Variants in ARHGAP15 observed in about 807,000 individuals in gnomAD.
ARHGAP15 encodes rho GTPase-activating protein 15.
A neutral mutation model predicts 63.7 loss-of-function variants in ARHGAP15; 51 were observed. The ratio of observed to expected loss-of-function variants is 0.80; its 90% CI spans 0.64 to 1.01. ARHGAP15 has a LOEUF of 1.01. Ranked by LOEUF, ARHGAP15 falls within the 50% of genes least tolerant of loss-of-function variation. The probability of loss-of-function intolerance (pLI) is 0.00; values close to 1 mark genes in which losing one functional copy is unlikely to be tolerated. For synonymous variants in ARHGAP15, 191 were observed against 193.8 expected, an observed-to-expected ratio of 0.99 and a Z score of 0.12; for missense variants, 560 against 564.6, an observed-to-expected ratio of 0.99 and a Z score of 0.08.
intron 6 of ARHGAP15, among the ~76,000 whole-genome samples, chr2:143,433,981 C>T (rs895110203): frequency 3.9e-5 from 6 of 152,046 alleles, no homozygotes; most frequent in African/African-American, 1.4e-4. Flanking sequence ...TTAGGCAACA[C>T]TCTATAAAGT....
At chr2:143,323,232 C>A (rs1202634006) in intron 6 of ARHGAP15, among the ~76,000 whole-genome samples, 1 of 152,186 alleles carries the variant, frequency 6.6e-6, no homozygotes, top group African/African-American at 2.4e-5. Flanking sequence ...TTATGTAATG[C>A]TGAGATTTGG....
intron 6 of ARHGAP15, among the ~76,000 whole-genome samples, chr2:143,312,198 A>G (rs1367158814): frequency 1.3e-5 from 2 of 152,164 alleles, no homozygotes; most frequent in Non-Finnish European, 2.9e-5. Flanking sequence ...AAAAAGATTT[A>G]TCTTTCTATA....
chr2:143,655,329 G>A (rs769053736), intron 12 of ARHGAP15, among the ~76,000 whole-genome samples: 2 of 151,974 alleles, frequency 1.3e-5, no homozygotes, highest in Admixed American at 6.6e-5. Context: ...ATTTTTCAAT[G>A]AGGAAGTAAA....
intron 6 of ARHGAP15, among the ~76,000 whole-genome samples, chr2:143,372,231 A>G (rs1686592083): frequency 6.6e-6 from 1 of 151,356 alleles, no homozygotes; most frequent in Non-Finnish European, 1.5e-5. Flanking sequence ...AATCCCAGGT[A>G]CTCGGAAGGA....
intron 8 of ARHGAP15, among the ~76,000 whole-genome samples, chr2:143,483,008 A>G (rs1360719542): frequency 6.6e-6 from 1 of 152,238 alleles, no homozygotes; most frequent in Non-Finnish European, 1.5e-5. Context: ...AGTAATCATT[A>G]GAGCCAACTT....
At chr2:143,176,028 C>T (rs1038344994) in intron 2 of ARHGAP15, among the ~76,000 whole-genome samples, 14 of 151,922 alleles carry the variant, frequency 9.2e-5, no homozygotes, top group African/African-American at 2.9e-4. Flanking sequence ...TTTTTAAAGA[C>T]GGACAGATTT....
chr2:143,573,821 G>C (rs970228027), intron 11 of ARHGAP15, among the ~76,000 whole-genome samples: 1 of 152,040 alleles, frequency 6.6e-6, no homozygotes, highest in African/African-American at 2.4e-5. Context: ...CTAGTTGTTG[G>C]AAACGAGTGA....
chr2:143,568,570 G>A (rs1156279339), intron 11 of ARHGAP15, among the ~76,000 whole-genome samples: 3 of 152,220 alleles, frequency 2.0e-5, no homozygotes, highest in African/African-American at 4.8e-5. Context: ...TGGTGGTAGT[G>A]TAAACTAGTT....
intron 12 of ARHGAP15, among the ~76,000 whole-genome samples, chr2:143,637,380 C>G (rs530623019): frequency 6.6e-6 from 1 of 152,028 alleles, no homozygotes; most frequent in Non-Finnish European, 1.5e-5. Context: ...ACCATTTTCT[C>G]TCTCAGATAA....
chr2:143,178,375 A>G (rs975902749), intron 2 of ARHGAP15, among the ~76,000 whole-genome samples: 2 of 152,186 alleles, frequency 1.3e-5, no homozygotes, highest in Non-Finnish European at 2.9e-5. Flanking sequence ...TTATTAATTT[A>G]CTTCTAAGGT....
chr2:143,681,521 T>C (rs1265526600), intron 12 of ARHGAP15, among the ~76,000 whole-genome samples: 2 of 152,192 alleles, frequency 1.3e-5, no homozygotes, highest in Non-Finnish European at 2.9e-5. Flanking sequence ...TTCTGTTTTA[T>C]TAAAAATAAA....
intron 9 of ARHGAP15, among the ~76,000 whole-genome samples, chr2:143,494,734 C>A (rs902320472): frequency 6.6e-6 from 1 of 152,158 alleles, no homozygotes. Context: ...GACTAGAGCT[C>A]TGAAAACATG....
chr2:143,678,909 A>G (rs1682958582), intron 12 of ARHGAP15, among the ~76,000 whole-genome samples: 1 of 152,206 alleles, frequency 6.6e-6, no homozygotes, highest in South Asian at 2.1e-4. Flanking sequence ...TATCTATGAA[A>G]GCATACATTT....
intron 12 of ARHGAP15, among the ~76,000 whole-genome samples, chr2:143,645,839 A>G (rs112673881): frequency 1.3e-5 from 2 of 152,194 alleles, no homozygotes; most frequent in African/African-American, 4.8e-5. Flanking sequence ...TTTTTTAAAT[A>G]TTTTCAAATA....
chr2:143,736,066 G>A (rs1053343850), intron 13 of ARHGAP15, among the ~76,000 whole-genome samples: 1 of 152,162 alleles, frequency 6.6e-6, no homozygotes, highest in Non-Finnish European at 1.5e-5. Flanking sequence ...GGGACTACAA[G>A]AATAAGTAAG....
At chr2:143,410,571 G>A (rs1045767611) in intron 6 of ARHGAP15, among the ~76,000 whole-genome samples, 2 of 152,084 alleles carry the variant, frequency 1.3e-5, no homozygotes, top group African/African-American at 2.4e-5. Context: ...CATATGTGTC[G>A]AGCATTAAGA....
chr2:143,171,090 A>G (rs1690762503), intron 2 of ARHGAP15, among the ~76,000 whole-genome samples: 1 of 152,142 alleles, frequency 6.6e-6, no homozygotes, highest in Non-Finnish European at 1.5e-5. Flanking sequence ...AAAAAAATAG[A>G]ATTTAGAGAT....
At chr2:143,242,191 A>G (rs772586033) in intron 5 of ARHGAP15, among the ~76,000 whole-genome samples, 1 of 152,286 alleles carries the variant, frequency 6.6e-6, no homozygotes, top group South Asian at 2.1e-4. Flanking sequence ...TGGTGGAAGG[A>G]GCCAAAGGCC....
intron 11 of ARHGAP15, 78 bp from the exon 12 acceptor site, chr2:143,624,055 A>T: frequency 6.5e-7 from 1 of 1,540,900 alleles, no homozygotes; most frequent in African/African-American, 1.4e-5. Flanking sequence ...GATAGTAGGC[A>T]AACATTAACA....
Sources: gnomAD v4.1 joint callset for allele counts (sites outside exome capture counted in the v4.1 genomes callset) on GRCh38, gnomAD v4.1.1 for gene constraint, MANE v1.5 for transcripts, NCBI Gene and HGNC (gene_info 2026-07-23, HGNC 2026-07-21) for gene names.